Variants in DNAH12 observed in about 807,000 individuals in gnomAD.
DNAH12 encodes the protein dynein axonemal heavy chain 12, also known as axonemal beta dynein heavy chain 12.
In DNAH12, 285 loss-of-function variants were observed where a neutral mutation model predicts 371.5. The ratio of observed to expected loss-of-function variants is 0.77; its 90% CI spans 0.70 to 0.85. The LOEUF (loss-of-function observed/expected upper bound fraction) is 0.85, where lower values mean the gene tolerates loss of function less well. Among genes scored for constraint, DNAH12 ranks in the 40% least tolerant of loss-of-function variants. DNAH12 has a pLI of 0.00. For missense variants in DNAH12, 3,611 were observed against 3,689.4 expected, an observed-to-expected ratio of 0.98 and a Z score of 0.55; for synonymous variants, 1,200 against 1,213.0, an observed-to-expected ratio of 0.99 and a Z score of 0.22.
In DNAH12 at chr3:57,543,315, G is replaced by GTTTTTT. The variant is rs5849214; in HGVS notation, c.-33-418_-33-413dup. On this transcript the variant is annotated intron_variant, in intron 1 of 73. Transcript: ENST00000495027. ...AAGCTGATATTTAACATCATTAATGGTTTTTTTTTTTTTTTTTTTTTTTTT... is the reference window on the plus strand; with the variant it reads ...AAGCTGATATTTAACATCATTAATGGTTTTTTTTTTTTTTTTTTTTTTTTTTTTTTT... Among the ~76,000 whole-genome samples, 699 of 70,266 alleles carry GTTTTTT rather than the reference G, an allele frequency of 9.9e-3. 58 individuals are homozygous for GTTTTTT. Among genetic ancestry groups the GTTTTTT allele is most frequent in the African/African-American group, 0.026 (410 of 15,924 alleles). The allele number at this position is 70,266 out of a possible 152,430, so 46.1% of individuals were successfully genotyped here.
At chr3:57,389,839 T>TATATATATATATATATATATATATATAAA (rs1326237791) in intron 45 of DNAH12, among the ~76,000 whole-genome samples, 1 of 84,846 alleles carries the variant, frequency 1.2e-5, no homozygotes, top group Non-Finnish European at 2.8e-5. Flanking sequence ...TATATATATA[T>TATATATATATATATATATATATATATAAA]AATACTTTTT....
At chr3:57,447,858 A>G (rs765973164) in intron 25 of DNAH12, among the ~76,000 whole-genome samples, 8 of 152,060 alleles carry the variant, frequency 5.3e-5, no homozygotes, top group Non-Finnish European at 2.9e-5. Context: ...TATTTTTAGT[A>G]GAGAAGAGGT....
intron 2 of DNAH12, among the ~76,000 whole-genome samples, chr3:57,535,573 G>A (rs2069004796): frequency 6.6e-6 from 1 of 151,866 alleles, no homozygotes; most frequent in South Asian, 2.1e-4. Context: ...ACAGAGTTTT[G>A]CTCTTGTTGC....
At chr3:57,346,726 T>C (rs1286786636) in intron 60 of DNAH12, among the ~76,000 whole-genome samples, 2 of 152,190 alleles carry the variant, frequency 1.3e-5, no homozygotes, top group East Asian at 1.9e-4. Context: ...ACTTTAAACA[T>C]AGAAAGACAC....
chr3:57,502,070 C>A (rs926413691), intron 10 of DNAH12, among the ~76,000 whole-genome samples: 1 of 152,108 alleles, frequency 6.6e-6, no homozygotes, highest in African/African-American at 2.4e-5. Flanking sequence ...CGACGCCCGG[C>A]TAATTTTTTG....
At position 57,317,325 on chromosome 3, in the gene DNAH12, G is replaced by A. The variant is rs142288635; in HGVS notation, c.10525-2694C>T. On this transcript the variant is annotated intron_variant, in intron 65 of 73. Transcript: ENST00000495027. ...GACAATGTTGTACAGCTAATCTCCA[G>A]AATTTATTCACCTTGCATAATTGAG... Among the ~76,000 whole-genome samples the A allele has an allele frequency of 5.2e-3, 784 of 152,176 alleles. 9 individuals are homozygous for A. The highest frequency in any genetic ancestry group is 0.018 in the African/African-American group (761 of 41,512).
chr3:57,391,828 A>G (rs2063629460), intron 45 of DNAH12, 44 bp downstream of exon 45: 1 of 152,262 alleles, frequency 6.6e-6, no homozygotes, highest in South Asian at 2.1e-4. Flanking sequence ...TAAAATTCCA[A>G]AAGAGTTAGT....
rs988523361 is a variant in DNAH12 at position 57,295,501 on chromosome 3, A to G, written c.11692+24T>C. On this transcript the variant is annotated intron_variant, in intron 73 of 73. Coordinates refer to ENST00000495027, the MANE Select transcript of DNAH12 (RefSeq NM_001366028.2). The stretch of plus-strand genomic sequence containing the variant: ...TCCTTATTCTCCCTAAACTTCAAAT[A>G]AATTTTGTTGAGAGAATATTTACTT... The G allele has an allele frequency of 1.9e-6, 3 of 1,541,568 alleles. No individual in the cohort carries two copies. In the Admixed American group the frequency reaches 6.1e-5, roughly 31 times the overall value.
At chr3:57,297,101 C>G (rs1056786965) in intron 70 of DNAH12, 117 bp from the exon 71 acceptor site, 1 of 1,176,954 alleles carries the variant, frequency 8.5e-7, no homozygotes, top group Non-Finnish European at 1.2e-6. Flanking sequence ...CATCACGAGG[C>G]CCTCTTCCCT....
At chr3:57,555,558 C>T in the DNAH12 span, among the ~76,000 whole-genome samples, 1 of 152,242 alleles carries the variant, frequency 6.6e-6, no homozygotes, top group Non-Finnish European at 1.5e-5. Flanking sequence ...TAACAAACAG[C>T]CTTCCGCAGT....
In DNAH12 at chr3:57,436,953, A is replaced by C; in HGVS notation, c.4653T>G (p.His1551Gln). 6.9e-7 allele frequency: 1 copy of C among 1,442,472 alleles called. No individual in the cohort carries two copies. Among genetic ancestry groups the C allele is most frequent in the South Asian group, 1.4e-5 (1 of 69,852 alleles). 89.4% of individuals were successfully genotyped at this position (1,442,472 alleles called of 1,614,324 possible). A position where few individuals can be genotyped will look rare whatever the true frequency, so the allele number is the denominator to read the frequency against. ...ACTATAGCAATATATAATCTTACCC[A>C]TGTCTAACAATCATCATTTCATATG... ...IQTYEMMIVR[H>Q]GFMLVGEPFA... Residue 1551 changes from histidine (H) to glutamine (Q), a missense_variant and splice_region_variant, in exon 30 of 74, where the codon CAT becomes CAG. His to Gln is a conservative substitution (Grantham distance 24, BLOSUM62 0). Around this residue, in one of 3 missense-constraint regions of DNAH12, gnomAD observed 2,266 missense variants for 2,236.9 expected, o/e 1.01. Transcript: ENST00000495027.
chr3:57,547,686 GA>G (rs2069590530), upstream of DNAH12, among the ~76,000 whole-genome samples: 1 of 151,902 alleles, frequency 6.6e-6, no homozygotes, highest in Non-Finnish European at 1.5e-5. Context: ...ATAATGCAGA[GA>G]AAAAAAGTTT....
At position 57,489,670 on chromosome 3, in the gene DNAH12, G is replaced by C; in HGVS notation, c.1353C>G (p.Leu451=). ...AAAGCATTATTTCTGAGGCAAGACTGAGAAATTTTTCTATAAACTTGAAAA... is the reference window on the plus strand; with the variant it reads ...AAAGCATTATTTCTGAGGCAAGACTCAGAAATTTTTCTATAAACTTGAAAA... The part of the protein sequence containing the change: ...DEYTEFIEKF[L]SLASEIMLLP... The change falls in exon 12 of 74, where the codon CTC becomes CTG. Residue 451 remains leucine (L), a synonymous_variant. Transcript: ENST00000495027. 2 of 1,501,100 alleles carry C rather than the reference G, an allele frequency of 1.3e-6. No homozygotes were observed. The highest frequency in any genetic ancestry group is 2.9e-5 in the African/African-American group (2 of 69,356). 93.0% of individuals were successfully genotyped at this position (1,501,100 alleles called of 1,614,324 possible).
At position 57,369,107 on chromosome 3, in the gene DNAH12, C is replaced by T. The variant is rs969724465; in HGVS notation, c.8760-847G>A. On this transcript the variant is annotated intron_variant, in intron 55 of 73. Coordinates refer to ENST00000495027, the MANE Select transcript of DNAH12 (RefSeq NM_001366028.2). ...CAGTGGTGGGTGCCTGTAATCCCAG[C>T]TACAGGGGAGGCTGAGGCAGGAGAA... Among the ~76,000 whole-genome samples, 674 of 150,984 alleles carry T rather than the reference C, an allele frequency of 4.5e-3. 5 individuals are homozygous for T. Among genetic ancestry groups the T allele is most frequent in the Non-Finnish European group, 6.5e-3 (444 of 67,798 alleles).
intron 17 of DNAH12, 27 bp from the exon 18 acceptor site, chr3:57,462,902 G>C (rs2066098133): frequency 2.0e-6 from 3 of 1,510,476 alleles, no homozygotes; most frequent in Non-Finnish European, 2.7e-6. Flanking sequence ...AAACAATTAT[G>C]AGTCACTCAT....
intron 2 of DNAH12, chr3:57,530,366 G>C: frequency 2.0e-6 from 1 of 488,382 alleles, no homozygotes; most frequent in South Asian, 3.6e-5. Flanking sequence ...TCTGGGCCTT[G>C]ATTTTCCAAA....
rs1559529328 is a variant in DNAH12 at position 57,295,605 on chromosome 3, A to G, written c.11625-13T>C. 1 of 1,527,898 alleles carries G rather than the reference A, an allele frequency of 6.5e-7. No individual in the cohort carries two copies. Among genetic ancestry groups the G allele is most frequent in the Non-Finnish European group, 8.8e-7 (1 of 1,134,402 alleles). The allele number at this position is 1,527,898 out of a possible 1,614,324, so 94.6% of individuals were successfully genotyped here. On this transcript the variant is annotated splice_polypyrimidine_tract_variant and intron_variant, in intron 72 of 73. Transcript: ENST00000495027. ...AGCAAGCAATCCACTGTAACGAGAA[A>G]TTGACAGAAATTATTAGAAATAACA...
chr3:57,504,319 C>T (rs1182724290), intron 8 of DNAH12, 115 bp from the exon 9 acceptor site: 2 of 922,746 alleles, frequency 2.2e-6, no homozygotes, highest in African/African-American at 3.3e-5. Context: ...ATTAAAACAT[C>T]CTATCAATCC....
At chr3:57,478,035 A>T (rs2066597608) in intron 13 of DNAH12, among the ~76,000 whole-genome samples, 1 of 152,222 alleles carries the variant, frequency 6.6e-6, no homozygotes, top group Non-Finnish European at 1.5e-5. Context: ...CTCCAAAGGA[A>T]TGCAGCTCCT....
Sources: gnomAD v4.1 joint callset for allele counts (sites outside exome capture counted in the v4.1 genomes callset) on GRCh38, gnomAD v4.1.1 for gene constraint, gnomAD v4.1.1 regional missense constraint, MANE v1.5 for transcripts, NCBI Gene and HGNC (gene_info 2026-07-23, HGNC 2026-07-21) for gene names.